CCDC40: variants seen among roughly 807,000 people sequenced by gnomAD.
CCDC40 encodes coiled-coil domain 40 molecular ruler complex subunit, also known as coiled-coil domain-containing protein 40.
Under a neutral mutation model 124.5 loss-of-function variants are expected in CCDC40, and 104 were observed. The observed-to-expected ratio is 0.84, with a 90% CI of 0.71 to 0.98. CCDC40 has a LOEUF of 0.98. Ranked by LOEUF, CCDC40 falls within the 50% of genes least tolerant of loss-of-function variation. CCDC40 has a pLI of 0.00. For synonymous variants in CCDC40, 580 were observed against 602.9 expected, an observed-to-expected ratio of 0.96 and a Z score of 0.56; for missense variants, 1,463 against 1,503.9, an observed-to-expected ratio of 0.97 and a Z score of 0.45.
chr17:80,064,992 G>T (rs115308037), intron 9 of CCDC40, among the ~76,000 whole-genome samples: 3,133 of 151,370 alleles, frequency 0.021, 111 homozygotes, highest in African/African-American at 0.069. Flanking sequence ...ACGGATGCTG[G>T]CCAGGATCCC....
chr17:80,088,149 C>T (rs1175362991), intron 16 of CCDC40, 47 bp downstream of exon 16: 4 of 1,302,178 alleles, frequency 3.1e-6, no homozygotes, highest in Admixed American at 3.4e-5. Context: ...GGTCACTGCA[C>T]CTACAGGCCT....
chr17:80,042,575 T>C lies in CCDC40; in HGVS notation c.552+2305T>C, dbSNP rs1014412983. ...TAGCTTGTTTGTAGAATCGGTAGGC[T>C]TTTTCACAAAGATAATCATCTCATC... On this transcript the variant is annotated intron_variant, in intron 3 of 19. Coordinates refer to ENST00000397545, the MANE Select transcript of CCDC40 (RefSeq NM_017950.4). Among the ~76,000 whole-genome samples the C allele has an allele frequency of 2.0e-5, 3 of 152,314 alleles. No individual in the cohort carries two copies. The East Asian group carries it at 5.8e-4, about 29-fold the overall frequency.
chr17:80,090,506 AC>A (rs1231021699), intron 17 of CCDC40: 62 of 1,524,984 alleles, frequency 4.1e-5, no homozygotes, highest in Non-Finnish European at 5.3e-5. Context: ...ATCTCACAAA[AC>A]GCTGTTTTAT....
At chr17:80,073,977 C>T (rs1166220753) in intron 10 of CCDC40, among the ~76,000 whole-genome samples, 1 of 152,106 alleles carries the variant, frequency 6.6e-6, no homozygotes, top group African/African-American at 2.4e-5. Flanking sequence ...TGAGCCAACG[C>T]TCCTGGCCGC....
intron 16 of CCDC40, among the ~76,000 whole-genome samples, chr17:80,089,343 A>G (rs1472024993): frequency 6.6e-6 from 1 of 152,232 alleles, no homozygotes; most frequent in Admixed American, 6.5e-5. Context: ...GTTTGATAGA[A>G]TCTAGGCAAA....
intron 17 of CCDC40, 117 bp from the exon 18 acceptor site, chr17:80,095,146 C>G (rs1464280662): frequency 2.2e-5 from 21 of 946,876 alleles, no homozygotes; most frequent in Non-Finnish European, 3.5e-5. Flanking sequence ...CTCACTGTTT[C>G]CCCGCCGATC....
At chr17:80,077,240 G>T (rs2038331321) in intron 10 of CCDC40, among the ~76,000 whole-genome samples, 1 of 152,042 alleles carries the variant, frequency 6.6e-6, no homozygotes, top group Non-Finnish European at 1.5e-5. Context: ...TATAACAAAT[G>T]CTTGCCGGCC....
At chr17:80,077,506 G>A (rs891795936) in intron 10 of CCDC40, among the ~76,000 whole-genome samples, 1 of 152,222 alleles carries the variant, frequency 6.6e-6, no homozygotes, top group Non-Finnish European at 1.5e-5. Context: ...CTGGGTGACA[G>A]AGCGAGACTC....
At chr17:80,081,812 G>T in intron 11 of CCDC40, 23 bp downstream of exon 11, 1 of 1,613,936 alleles carries the variant, frequency 6.2e-7, no homozygotes, top group Non-Finnish European at 8.5e-7. Flanking sequence ...CCGCCCCACA[G>T]GTCACACCTG....
Position 80,087,838 on chromosome 17 carries a change from G to A in CCDC40, c.2619+62G>A. The A allele has an allele frequency of 1.3e-6, 2 of 1,494,138 alleles. No homozygotes were observed. Among genetic ancestry groups the A allele is most frequent in the Non-Finnish European group, 1.9e-6 (2 of 1,071,710 alleles). The allele number at this position is 1,494,138 out of a possible 1,614,324, so 92.6% of individuals were successfully genotyped here. The stretch of plus-strand genomic sequence containing the variant: ...GATGGAGGGCGGGGGTACGGTCCTT[G>A]CGGTGGGCGTTCTGCACCAGGATGT... On this transcript the variant is annotated intron_variant, in intron 15 of 19. Transcript: ENST00000397545. The surrounding 1 kb of genome is among the most constrained non-coding windows in gnomAD (Gnocchi z 4.5).
intron 10 of CCDC40, among the ~76,000 whole-genome samples, chr17:80,078,287 C>T (rs1024744487): frequency 3.4e-4 from 50 of 148,294 alleles, no homozygotes; most frequent in Non-Finnish European, 3.3e-4. Flanking sequence ...GCCAAGATCA[C>T]GCCACTGCAC....
At chr17:80,099,345 C>T (rs1479192911) in intron 19 of CCDC40, among the ~76,000 whole-genome samples, 182 bp from the exon 20 acceptor site, 1 of 151,916 alleles carries the variant, frequency 6.6e-6, no homozygotes, top group African/African-American at 2.4e-5. Flanking sequence ...CATAAAGCAC[C>T]GACCCAGTGC....
intron 4 of CCDC40, 141 bp downstream of exon 4, chr17:80,047,543 C>A: frequency 1.2e-6 from 1 of 809,576 alleles, no homozygotes; most frequent in Non-Finnish European, 2.0e-6. Context: ...ATCTTATTAA[C>A]AGATATGGAT....
Position 80,087,415 on chromosome 17 carries a change from CCCTGTCCTCT to C in CCDC40, c.2450-188_2450-179del. The C allele has an allele frequency of 3.1e-6, 2 of 642,576 alleles. No individual in the cohort carries two copies. The highest frequency in any genetic ancestry group is 1.7e-5 in the South Asian group (1 of 58,452). The allele number at this position is 642,576 out of a possible 1,614,324, so 39.8% of individuals were successfully genotyped here. On this transcript the variant is annotated intron_variant, in intron 14 of 19. Coordinates refer to ENST00000397545, the MANE Select transcript of CCDC40 (RefSeq NM_017950.4). This position sits in a 1 kb window ranked among gnomAD's most constrained non-coding sequence, Gnocchi z 4.5. ...GGAGCTTAGCAGCCAAAAAGAGACC[CCCTGTCCTCT>C]CCTCTCCTCTGTCCTGGCAGGGACG... is the stretch of plus-strand genomic sequence containing the variant.
At position 80,058,406 on chromosome 17, in the gene CCDC40, C is replaced by G; in HGVS notation, c.1160-88C>G. ...GAAGGGTGCCCAGAACGGCTGTTCC[C>G]TGCTTCCTCCTGGGTCTCTGCATGG... On this transcript the variant is annotated intron_variant, in intron 7 of 19. Coordinates refer to ENST00000397545, the MANE Select transcript of CCDC40 (RefSeq NM_017950.4). This position sits in a 1 kb window ranked among gnomAD's most constrained non-coding sequence, Gnocchi z 4.2. 7.7e-7 allele frequency: 1 copy of G among 1,291,048 alleles called. No individual in the cohort carries two copies. Among genetic ancestry groups the G allele is most frequent in the Non-Finnish European group, 1.1e-6 (1 of 898,236 alleles). The allele number at this position is 1,291,048 out of a possible 1,614,324, so 80.0% of individuals were successfully genotyped here.
chr17:80,037,675 T>C (rs1375560794), intron 1 of CCDC40, among the ~76,000 whole-genome samples: 1 of 68,250 alleles, frequency 1.5e-5, no homozygotes, highest in Non-Finnish European at 2.9e-5. Flanking sequence ...CTTGAATCTT[T>C]AATTTTTTAA....
intron 12 of CCDC40, among the ~76,000 whole-genome samples, chr17:80,083,573 T>C (rs937501471): frequency 5.9e-5 from 9 of 152,212 alleles, no homozygotes; most frequent in Non-Finnish European, 1.3e-4. Context: ...GTTAGAACCA[T>C]GCCCTGGGGA....
In CCDC40 at chr17:80,087,831, G is replaced by C; in HGVS notation, c.2619+55G>C. The C allele has an allele frequency of 6.6e-7, 1 of 1,516,006 alleles. No individual in the cohort carries two copies. Among genetic ancestry groups the C allele is most frequent in the East Asian group, 2.3e-5 (1 of 44,416 alleles). The allele number at this position is 1,516,006 out of a possible 1,614,324, so 93.9% of individuals were successfully genotyped here. A position where few individuals can be genotyped will look rare whatever the true frequency, so the allele number is the denominator to read the frequency against. ...TCAGGACGATGGAGGGCGGGGGTAC[G>C]GTCCTTGCGGTGGGCGTTCTGCACC... On this transcript the variant is annotated intron_variant, in intron 15 of 19. Transcript: ENST00000397545. This position sits in a 1 kb window ranked among gnomAD's most constrained non-coding sequence, Gnocchi z 4.5.
At chr17:80,053,588 T>TCTTG (rs1555892585) in intron 7 of CCDC40, among the ~76,000 whole-genome samples, 2 of 152,084 alleles carry the variant, frequency 1.3e-5, no homozygotes, top group African/African-American at 4.8e-5. Context: ...TTTTTGTGTT[T>TCTTG]TTTGTTTGTT....
Sources: gnomAD v4.1 joint callset for allele counts (sites outside exome capture counted in the v4.1 genomes callset) on GRCh38, gnomAD v4.1.1 for gene constraint, Gnocchi (gnomAD v3.1) non-coding constraint, MANE v1.5 for transcripts, NCBI Gene and HGNC (gene_info 2026-07-23, HGNC 2026-07-21) for gene names.